The following SCYL2 variants were observed in gnomAD, a reference collection of about 807,000 sequenced individuals.
SCYL2 encodes SCY1 like pseudokinase 2.
Under a neutral mutation model 100.4 loss-of-function variants are expected in SCYL2, and 36 were observed. That is an observed-to-expected ratio of 0.36 (90% CI 0.27 to 0.47). SCYL2 has a LOEUF of 0.47. Ranked by LOEUF, SCYL2 falls within the 20% of genes least tolerant of loss-of-function variation. SCYL2 has a pLI of 1.00. For synonymous variants in SCYL2, 330 were observed against 359.2 expected, an observed-to-expected ratio of 0.92 and a Z score of 0.92; for missense variants, 902 against 1,083.9, an observed-to-expected ratio of 0.83 and a Z score of 2.36.
chr12:100,315,708 G>A lies in SCYL2; in HGVS notation c.1246G>A (p.Val416Met). The change falls in exon 9 of 18, where the codon GTG becomes ATG. Residue 416 changes from valine (V) to methionine (M), a missense_variant. By Grantham distance (21) the Val-to-Met change is conservative. Transcript: ENST00000360820. ...ATTAATTCTTCCTGAACTTGGCCCT[G>A]TGTTTAAGCAGCAGGAGCCAATCCA... ...VKLILPELGP[V>M]FKQQEPIQIL... The A allele has an allele frequency of 6.2e-7, 1 of 1,608,702 alleles. No homozygotes were observed. The highest frequency in any genetic ancestry group is 8.5e-7 in the Non-Finnish European group (1 of 1,177,430).
chr12:100,324,081 A>G (rs1233082259), intron 11 of SCYL2, among the ~76,000 whole-genome samples: 1 of 152,166 alleles, frequency 6.6e-6, no homozygotes, highest in Non-Finnish European at 1.5e-5. Flanking sequence ...AGTAGAGTAC[A>G]AGAAAGCAAT....
chr12:100,309,971 G>A (rs760345695), intron 4 of SCYL2, among the ~76,000 whole-genome samples: 1 of 151,862 alleles, frequency 6.6e-6, no homozygotes, highest in African/African-American at 2.4e-5. Context: ...GGTATGTAAA[G>A]ATGTGGATTT....
chr12:100,317,664 G>A, intron 9 of SCYL2, 139 bp from the exon 10 acceptor site: 2 of 1,407,250 alleles, frequency 1.4e-6, no homozygotes, highest in Non-Finnish European at 1.8e-6. Flanking sequence ...GTGTGTTTTT[G>A]TCTTCCACGC....
intron 3 of SCYL2, 100 bp downstream of exon 3, chr12:100,291,760 C>A (rs1353786273): frequency 2.6e-6 from 3 of 1,168,144 alleles, no homozygotes; most frequent in Admixed American, 6.0e-5. Flanking sequence ...GTGAAAAATT[C>A]TTATACTCTA....
At chr12:100,288,346 C>T (rs2096306687) in intron 2 of SCYL2, among the ~76,000 whole-genome samples, 1 of 151,774 alleles carries the variant, frequency 6.6e-6, no homozygotes, top group African/African-American at 2.4e-5. Flanking sequence ...TGGGGCCTTA[C>T]TGTGTTGCCC....
intron 4 of SCYL2, among the ~76,000 whole-genome samples, chr12:100,299,254 C>G (rs1282451297): frequency 6.6e-6 from 1 of 151,924 alleles, no homozygotes; most frequent in Non-Finnish European, 1.5e-5. Flanking sequence ...ACAACAACAA[C>G]AAAAATAATA....
At chr12:100,305,355 C>G (rs987034285) in intron 4 of SCYL2, among the ~76,000 whole-genome samples, 1 of 152,206 alleles carries the variant, frequency 6.6e-6, no homozygotes, top group African/African-American at 2.4e-5. Context: ...GAAACTCACT[C>G]AAAACCACAC....
chr12:100,275,010 C>G (rs192879953), intron 1 of SCYL2, among the ~76,000 whole-genome samples: 52 of 152,304 alleles, frequency 3.4e-4, no homozygotes, highest in African/African-American at 1.2e-3. Flanking sequence ...CATATTGAAT[C>G]TTCCAATTCA....
At chr12:100,327,572 C>T (rs1014559260) in intron 12 of SCYL2, among the ~76,000 whole-genome samples, 1 of 151,026 alleles carries the variant, frequency 6.6e-6, no homozygotes, top group Non-Finnish European at 1.5e-5. Flanking sequence ...TGGAGTGCAG[C>T]GGTGCCATCT....
At chr12:100,278,055 ATT>A (rs2096294373) in intron 1 of SCYL2, among the ~76,000 whole-genome samples, 1 of 152,184 alleles carries the variant, frequency 6.6e-6, no homozygotes, top group Non-Finnish European at 1.5e-5. Flanking sequence ...TTCTGCATAT[ATT>A]ATAAACACAA....
intron 4 of SCYL2, 78 bp downstream of exon 4, chr12:100,298,253 T>C: frequency 9.6e-7 from 1 of 1,041,252 alleles, no homozygotes; most frequent in South Asian, 1.8e-5. Flanking sequence ...TTATTAACCA[T>C]GTAAAACTAT....
intron 3 of SCYL2, among the ~76,000 whole-genome samples, chr12:100,295,718 GACGGGA>G (rs2135863819): frequency 6.6e-6 from 1 of 152,100 alleles, no homozygotes; most frequent in African/African-American, 2.4e-5. Flanking sequence ...ACCGTGGGGA[GACGGGA>G]GAGGGAGAGG....
At position 100,299,930 on chromosome 12, in the gene SCYL2, A is replaced by G. The variant is rs369742802; in HGVS notation, c.480+1755A>G. ...ATGTGTATGATTCACTTTTTAAGAA[A>G]ATGATACTGTTTTCCATAGTGGTTG... On this transcript the variant is annotated intron_variant, in intron 4 of 17. Coordinates refer to ENST00000360820, the MANE Select transcript of SCYL2 (RefSeq NM_017988.6). Among the ~76,000 whole-genome samples the G allele has an allele frequency of 3.3e-5, 5 of 152,210 alleles. No homozygotes were observed. In the South Asian group the frequency reaches 1.0e-3, roughly 32 times the overall value.
At chr12:100,280,572 A>T (rs1193158706) in intron 1 of SCYL2, among the ~76,000 whole-genome samples, 2 of 152,204 alleles carry the variant, frequency 1.3e-5, no homozygotes, top group Non-Finnish European at 2.9e-5. Flanking sequence ...CATCATCACA[A>T]TTAGAGTCTA....
intron 4 of SCYL2, among the ~76,000 whole-genome samples, chr12:100,300,341 C>A (rs79287631): frequency 0.042 from 6,328 of 152,100 alleles, 475 homozygotes; most frequent in African/African-American, 0.14. Flanking sequence ...CCATCTTAAC[C>A]ATTTTTAAAA....
rs777562285 is a variant in SCYL2 at position 100,298,109 on chromosome 12, C to T, written c.414C>T (p.Ser138=). 11 of 1,606,834 alleles carry T rather than the reference C, an allele frequency of 6.8e-6. No individual in the cohort carries two copies. The highest frequency in any genetic ancestry group is 9.4e-6 in the Non-Finnish European group (11 of 1,174,986). The part of the protein sequence containing the change: ...NVLGNWENLP[S]PISPDIKDYK... ...TTGGTAACTGGGAAAATCTACCTTC[C>T]CCTATATCTCCAGACATTAAGGATT... is the stretch of plus-strand genomic sequence containing the variant. The change falls in exon 4 of 18, where the codon TCC becomes TCT. Residue 138 remains serine (S), a synonymous_variant. Transcript: ENST00000360820.
intron 4 of SCYL2, among the ~76,000 whole-genome samples, chr12:100,303,503 ACAGT>A (rs1483652282): frequency 6.6e-6 from 1 of 152,020 alleles, no homozygotes; most frequent in South Asian, 2.1e-4. Flanking sequence ...TTTCCTTCTA[ACAGT>A]CAGGCCCCTC....
chr12:100,275,748 T>G (rs2096291858), intron 1 of SCYL2, among the ~76,000 whole-genome samples: 1 of 152,250 alleles, frequency 6.6e-6, no homozygotes, highest in South Asian at 2.1e-4. Flanking sequence ...TATACTTACC[T>G]TGTTCTGAAA....
At position 100,337,510 on chromosome 12, in the gene SCYL2, A is replaced by G. The variant is rs199970860; in HGVS notation, c.2145+4A>G. 1,956 of 1,613,310 alleles carry G rather than the reference A, an allele frequency of 1.2e-3. 3 individuals carry two copies. Among genetic ancestry groups the G allele is most frequent in the Middle Eastern group, 2.3e-3 (14 of 6,062 alleles). ...ACCTGTTGCTACTGTTAAACAGGTCAGAGTTCATTTCTTTTGTGTAATTTC... is the reference window on the plus strand; with the variant it reads ...ACCTGTTGCTACTGTTAAACAGGTCGGAGTTCATTTCTTTTGTGTAATTTC... On this transcript the variant is annotated splice_donor_region_variant and intron_variant, in intron 17 of 17. Coordinates refer to ENST00000360820, the MANE Select transcript of SCYL2 (RefSeq NM_017988.6).
Sources: gnomAD v4.1 joint callset for allele counts (sites outside exome capture counted in the v4.1 genomes callset) on GRCh38, gnomAD v4.1.1 for gene constraint, MANE v1.5 for transcripts, NCBI Gene and HGNC (gene_info 2026-07-23, HGNC 2026-07-21) for gene names.